NPEPPS: variants seen among roughly 807,000 people sequenced by gnomAD.
NPEPPS encodes puromycin-sensitive aminopeptidase.
Under a neutral mutation model 115.5 loss-of-function variants are expected in NPEPPS, and 14 were observed. The ratio of observed to expected loss-of-function variants is 0.12; its 90% CI spans 0.08 to 0.19. The LOEUF (loss-of-function observed/expected upper bound fraction) is 0.19, where lower values mean the gene tolerates loss of function less well. NPEPPS is among the 10% of genes least tolerant of loss of function. The pLI is 1.00. For synonymous variants in NPEPPS, 285 were observed against 390.6 expected (o/e 0.73, Z 3.19); for missense variants, 523 against 1,110.8 (o/e 0.47, Z 7.52).
intron 14 of NPEPPS, among the ~76,000 whole-genome samples, chr17:47,599,983 T>C (rs1401196594): frequency 2.6e-5 from 4 of 152,018 alleles, no homozygotes; most frequent in African/African-American, 7.2e-5. Context: ...CATGCTCGGC[T>C]AATTTTTTGT....
intron 2 of NPEPPS, among the ~76,000 whole-genome samples, chr17:47,568,229 TC>T: frequency 6.6e-6 from 1 of 151,314 alleles, no homozygotes; most frequent in Admixed American, 6.6e-5. Flanking sequence ...AGTGGCACAA[TC>T]TCGGCTCACT....
At chr17:47,538,776 C>T (rs1430081112) in intron 1 of NPEPPS, among the ~76,000 whole-genome samples, 1 of 152,142 alleles carries the variant, frequency 6.6e-6, no homozygotes, top group East Asian at 1.9e-4. Flanking sequence ...GATCCACCCG[C>T]CTCGGCCTCC....
intron 2 of NPEPPS, among the ~76,000 whole-genome samples, chr17:47,564,173 C>T (rs1407410928): frequency 6.6e-6 from 1 of 152,126 alleles, no homozygotes; most frequent in Non-Finnish European, 1.5e-5. Context: ...CCTCCCACCT[C>T]GGTCTCCCAA....
At chr17:47,545,049 G>A (rs1909098464) in intron 1 of NPEPPS, among the ~76,000 whole-genome samples, 2 of 151,398 alleles carry the variant, frequency 1.3e-5, no homozygotes, top group African/African-American at 2.4e-5. Flanking sequence ...TGTTCAGGCC[G>A]GAGGTCAGTG....
chr17:47,609,240 C>T (rs1913700175), intron 17 of NPEPPS, among the ~76,000 whole-genome samples: 1 of 152,096 alleles, frequency 6.6e-6, no homozygotes, highest in Admixed American at 6.5e-5. Context: ...AGGTCCAGTG[C>T]AGAAGTTAAG....
At chr17:47,589,534 G>A (rs1424940250) in intron 9 of NPEPPS, among the ~76,000 whole-genome samples, 5 of 152,064 alleles carry the variant, frequency 3.3e-5, no homozygotes, top group Non-Finnish European at 5.9e-5. Flanking sequence ...CAGAGTATTG[G>A]CATTACAGGA....
rs370648070 is a variant in NPEPPS, at chr17:47,567,015, G to A, written c.341-2402G>A. 2.5e-3 allele frequency among the ~76,000 whole-genome samples: 375 copies of A among 152,242 alleles called. 1 individual carries two copies. The highest frequency in any genetic ancestry group is 8.6e-3 in the African/African-American group (356 of 41,574). ...AGAATCTCCCGAACCTGATGGGAAA[G>A]GTAGCAGTGAGTTGAGATAGCGCCA... On this transcript the variant is annotated intron_variant, in intron 2 of 22. Coordinates refer to ENST00000322157, the MANE Select transcript of NPEPPS (RefSeq NM_006310.4).
chr17:47,598,805 C>CT (rs1235916114), intron 13 of NPEPPS, among the ~76,000 whole-genome samples: 1 of 152,030 alleles, frequency 6.6e-6, no homozygotes, highest in African/African-American at 2.4e-5. Context: ...TCTTTGTTTT[C>CT]TTTTTTGTCT....
intron 1 of NPEPPS, among the ~76,000 whole-genome samples, chr17:47,540,620 A>G (rs1386810792): frequency 6.6e-6 from 1 of 152,234 alleles, no homozygotes; most frequent in Admixed American, 6.5e-5. Context: ...GTGCCATATA[A>G]TACAATACAT....
chr17:47,528,367 C>T (rs1341684836), upstream of NPEPPS, among the ~76,000 whole-genome samples: 2 of 152,012 alleles, frequency 1.3e-5, no homozygotes, highest in Non-Finnish European at 1.5e-5. Context: ...CATAGAACTA[C>T]ATATATATAA....
At chr17:47,560,544 T>A (rs1415377583) in intron 2 of NPEPPS, among the ~76,000 whole-genome samples, 1 of 152,178 alleles carries the variant, frequency 6.6e-6, no homozygotes, top group Non-Finnish European at 1.5e-5. Flanking sequence ...TCTGATTGGC[T>A]TTTATGCCCT....
intron 2 of NPEPPS, among the ~76,000 whole-genome samples, chr17:47,550,361 T>TA (rs1909556341): frequency 6.7e-6 from 1 of 148,758 alleles, no homozygotes. Context: ...GGAGTCTTGC[T>TA]GTATCGCCCA....
intron 10 of NPEPPS, among the ~76,000 whole-genome samples, chr17:47,591,320 G>A (rs1246162103): frequency 3.4e-4 from 51 of 152,004 alleles, no homozygotes; most frequent in African/African-American, 1.2e-3. Flanking sequence ...GCGGTGAGCC[G>A]AGATCGTGCC....
intron 14 of NPEPPS, among the ~76,000 whole-genome samples, chr17:47,601,147 A>C (rs1320582354): frequency 6.6e-6 from 1 of 152,012 alleles, no homozygotes; most frequent in Non-Finnish European, 1.5e-5. Flanking sequence ...AGGCACAAGA[A>C]CTTCTTGAAC....
rs962564361 is a variant in NPEPPS, at chr17:47,621,985, C to T, written c.*65C>T. The T allele has an allele frequency of 4.1e-6, 6 of 1,463,094 alleles. No individual in the cohort carries two copies. In the African/African-American group the frequency reaches 5.6e-5, roughly 14 times the overall value. The allele number at this position is 1,463,094 out of a possible 1,614,324, so 90.6% of individuals were successfully genotyped here. On this transcript the variant is annotated 3_prime_UTR_variant, in exon 23 of 23. Coordinates refer to ENST00000322157, the MANE Select transcript of NPEPPS (RefSeq NM_006310.4). ...GCAGGGATAAGGTGGAGCTACCGAA[C>T]AGCTGATTCATATGCCAAGAATTTG...
intron 1 of NPEPPS, among the ~76,000 whole-genome samples, chr17:47,538,482 GGGATTACAGGCATGAACCACC>G (rs1908495262): frequency 6.7e-6 from 1 of 150,204 alleles, no homozygotes; most frequent in Admixed American, 6.7e-5. Flanking sequence ...CTAAAGTGCT[GGGATTACAGGCATGAACCACC>G]GCGCCTAGTC....
chr17:47,568,331 T>C (rs545923129), intron 2 of NPEPPS, among the ~76,000 whole-genome samples: 3 of 152,258 alleles, frequency 2.0e-5, no homozygotes, highest in African/African-American at 7.2e-5. Flanking sequence ...CCACCATGCC[T>C]GGCTAAGTTT....
intron 21 of NPEPPS, 194 bp downstream of exon 21, chr17:47,619,358 A>G (rs1221288969): frequency 8.3e-6 from 5 of 603,468 alleles, no homozygotes; most frequent in South Asian, 1.8e-5. Flanking sequence ...GTTCGAGACT[A>G]TCCTGGCCAA....
intron 12 of NPEPPS, among the ~76,000 whole-genome samples, chr17:47,594,178 A>C (rs1393129363): frequency 6.6e-6 from 1 of 152,160 alleles, no homozygotes; most frequent in Non-Finnish European, 1.5e-5. Flanking sequence ...GCTACACCTG[A>C]ATGCAGCTTA....
Sources: gnomAD v4.1 joint callset for allele counts (sites outside exome capture counted in the v4.1 genomes callset) on GRCh38, gnomAD v4.1.1 for gene constraint, MANE v1.5 for transcripts, NCBI Gene and HGNC (gene_info 2026-07-23, HGNC 2026-07-21) for gene names.